The following WDFY2 variants were observed in gnomAD, a reference collection of about 807,000 sequenced individuals.
WDFY2 encodes WD repeat and FYVE domain-containing protein 2.
WDFY2 carries 36 observed loss-of-function variants against 56.4 expected under a neutral mutation model. The observed-to-expected ratio is 0.64, with a 90% CI of 0.49 to 0.84. The LOEUF (loss-of-function observed/expected upper bound fraction) is 0.84, where lower values mean the gene tolerates loss of function less well. Among genes scored for constraint, WDFY2 ranks in the 40% least tolerant of loss-of-function variants. The pLI is 0.00. For missense variants in WDFY2, 444 were observed against 512.2 expected (o/e 0.87, Z 1.29); for synonymous variants, 176 against 183.7 (o/e 0.96, Z 0.34).
rs945319292 is a variant in WDFY2, at chr13:51,767,490, T to G, written c.*7721T>G. 3 of 152,180 alleles carry G rather than the reference T, an allele frequency of 2.0e-5. No individual in the cohort carries two copies. Among genetic ancestry groups the G allele is most frequent in the Non-Finnish European group, 4.4e-5 (3 of 68,050 alleles). 9.4% of individuals were successfully genotyped at this position (152,180 alleles called of 1,614,324 possible). A position where few individuals can be genotyped will look rare whatever the true frequency, so the allele number is the denominator to read the frequency against. On this transcript the variant is annotated 3_prime_UTR_variant, in exon 12 of 12. Transcript: ENST00000298125. Reference sequence around the variant, plus strand: ...TTTTCCTCTGCTATGGGGGATGAGTTACGTTTATTCCACCATGGACACCAA... The same window carrying G: ...TTTTCCTCTGCTATGGGGGATGAGTGACGTTTATTCCACCATGGACACCAA...
intron 1 of WDFY2, among the ~76,000 whole-genome samples, chr13:51,604,371 C>CA (rs1954345698): frequency 2.0e-5 from 3 of 152,114 alleles, no homozygotes; most frequent in Admixed American, 6.6e-5. Flanking sequence ...AACAGAAACT[C>CA]AGAGAAGAGG....
intron 1 of WDFY2, among the ~76,000 whole-genome samples, chr13:51,649,223 T>G (rs1244377448): frequency 6.6e-6 from 1 of 152,184 alleles, no homozygotes; most frequent in East Asian, 1.9e-4. Context: ...CATCTTGGTA[T>G]TTTTAGATGA....
intron 1 of WDFY2, among the ~76,000 whole-genome samples, chr13:51,585,650 A>G (rs1953922985): frequency 6.6e-6 from 1 of 152,256 alleles, no homozygotes. Flanking sequence ...TGTTGCTTGA[A>G]GATAGTATTA....
chr13:51,644,685 A>C (rs1955233371), intron 1 of WDFY2, among the ~76,000 whole-genome samples: 1 of 152,210 alleles, frequency 6.6e-6, no homozygotes, highest in South Asian at 2.1e-4. Flanking sequence ...TTCTCTAGCC[A>C]CTGATTGCTG....
rs1048567402 is a variant in WDFY2 at position 51,761,423 on chromosome 13, G to A, written c.*1654G>A. On this transcript the variant is annotated 3_prime_UTR_variant, in exon 12 of 12. Coordinates refer to ENST00000298125, the MANE Select transcript of WDFY2 (RefSeq NM_052950.4). ...CCTGCCCCTCCTAAGCACTTTACAC[G>A]CACAGCTCATTCAACCTCACGTGTC... 6.6e-6 allele frequency: 1 copy of A among 152,130 alleles called. No homozygotes were observed. Among genetic ancestry groups the A allele is most frequent in the Non-Finnish European group, 1.5e-5 (1 of 68,036 alleles). The allele number at this position is 152,130 out of a possible 1,614,324, so 9.4% of individuals were successfully genotyped here. A position where few individuals can be genotyped will look rare whatever the true frequency, so the allele number is the denominator to read the frequency against.
intron 1 of WDFY2, among the ~76,000 whole-genome samples, chr13:51,629,821 C>CTT (rs1230926020): frequency 1.3e-4 from 6 of 47,900 alleles, no homozygotes; most frequent in African/African-American, 3.7e-4. Context: ...TTCTTTCTTT[C>CTT]TTTTCTTTTT....
intron 8 of WDFY2, 126 bp downstream of exon 8, chr13:51,751,541 A>G (rs1953237653): frequency 4.3e-6 from 4 of 939,658 alleles, no homozygotes; most frequent in Admixed American, 2.3e-5. Context: ...ATTGTAGCAT[A>G]AAAGGAGTTG....
chr13:51,666,345 T>G (rs1227657046), intron 2 of WDFY2, among the ~76,000 whole-genome samples: 1 of 152,210 alleles, frequency 6.6e-6, no homozygotes, highest in Non-Finnish European at 1.5e-5. Flanking sequence ...ACAGTGCCCC[T>G]TTTATGAAGG....
At chr13:51,689,209 A>G (rs1434068877) in intron 3 of WDFY2, among the ~76,000 whole-genome samples, 1 of 152,118 alleles carries the variant, frequency 6.6e-6, no homozygotes, top group East Asian at 1.9e-4. Context: ...ACTTGCAGTC[A>G]GTGTTGGGGA....
intron 1 of WDFY2, among the ~76,000 whole-genome samples, chr13:51,624,846 G>A (rs1220646719): frequency 6.6e-6 from 1 of 152,222 alleles, no homozygotes; most frequent in Non-Finnish European, 1.5e-5. Flanking sequence ...CCAGTGCAAA[G>A]GCAGGAACGT....
intron 7 of WDFY2, among the ~76,000 whole-genome samples, chr13:51,745,749 A>T: frequency 6.8e-6 from 1 of 146,354 alleles, no homozygotes; most frequent in Admixed American, 6.7e-5. Flanking sequence ...AAAAAAAAAA[A>T]AAAAAAAAAA....
chr13:51,705,697 C>T (rs182136214), intron 4 of WDFY2, among the ~76,000 whole-genome samples: 2 of 151,732 alleles, frequency 1.3e-5, no homozygotes, highest in Non-Finnish European at 2.9e-5. Context: ...GGGTATCTGT[C>T]GCCTCAAGTA....
intron 1 of WDFY2, among the ~76,000 whole-genome samples, chr13:51,647,719 C>A (rs996528694): frequency 1.3e-5 from 2 of 149,108 alleles, no homozygotes; most frequent in African/African-American, 5.0e-5. Flanking sequence ...ATGATTGTGT[C>A]ACTGCCTTCC....
intron 2 of WDFY2, among the ~76,000 whole-genome samples, chr13:51,674,259 G>T (rs1955851250): frequency 6.6e-6 from 1 of 152,154 alleles, no homozygotes; most frequent in Non-Finnish European, 1.5e-5. Flanking sequence ...AATATGAAGG[G>T]AGACATATAA....
intron 5 of WDFY2, among the ~76,000 whole-genome samples, chr13:51,725,010 A>G (rs1161773755): frequency 6.6e-6 from 1 of 152,230 alleles, no homozygotes. Flanking sequence ...AACAATATTC[A>G]GAGATAGCTA....
At chr13:51,699,690 A>T (rs1951944381) in intron 3 of WDFY2, among the ~76,000 whole-genome samples, 1 of 152,214 alleles carries the variant, frequency 6.6e-6, no homozygotes, top group Non-Finnish European at 1.5e-5. Context: ...TCCAATGCTG[A>T]TAAGATGTGG....
intron 1 of WDFY2, among the ~76,000 whole-genome samples, chr13:51,633,895 T>G (rs1205414720): frequency 6.6e-6 from 1 of 152,248 alleles, no homozygotes; most frequent in Admixed American, 6.5e-5. Context: ...CTTTCAGTTC[T>G]TTCCCATTGG....
rs1174681763 is a variant in WDFY2, at chr13:51,713,506, C to G, written c.335-5692C>G. ...TACATACAGTGGAATATTATTCAAC[C>G]TTAAAAGGGTAGGAAGTTCTGACAC... On this transcript the variant is annotated intron_variant, in intron 4 of 11. Coordinates refer to ENST00000298125, the MANE Select transcript of WDFY2 (RefSeq NM_052950.4). Among the ~76,000 whole-genome samples, 4 of 152,088 alleles carry G rather than the reference C, an allele frequency of 2.6e-5. No individual in the cohort carries two copies. The East Asian group carries it at 7.7e-4, about 29-fold the overall frequency.
intron 1 of WDFY2, among the ~76,000 whole-genome samples, chr13:51,653,415 C>T (rs993539073): frequency 6.6e-6 from 1 of 152,222 alleles, no homozygotes; most frequent in African/African-American, 2.4e-5. Context: ...CAAAGTCATT[C>T]TCCGTCCAGC....
Sources: allele counts gnomAD v4.1 joint callset (sites outside exome capture counted in the v4.1 genomes callset), GRCh38; gene constraint gnomAD v4.1.1; transcripts MANE v1.5; gene names NCBI Gene and HGNC (gene_info 2026-07-23, HGNC 2026-07-21).